GABRR3: variants seen among roughly 807,000 people sequenced by gnomAD.
GABRR3 encodes gamma-aminobutyric acid receptor subunit rho-3.
GABRR3 carries 29 observed loss-of-function variants against 43.2 expected under a neutral mutation model. That is an observed-to-expected ratio of 0.67 (90% confidence interval 0.50 to 0.92). The LOEUF (loss-of-function observed/expected upper bound fraction) is 0.92, where lower values mean the gene tolerates loss of function less well. Ranked by LOEUF, GABRR3 falls within the 40% of genes least tolerant of loss-of-function variation. The pLI is 0.00. For missense variants in GABRR3, 576 were observed against 572.3 expected, an observed-to-expected ratio of 1.01 and a Z score of -0.07; for synonymous variants, 206 against 195.9, an observed-to-expected ratio of 1.05 and a Z score of -0.43.
intron 9 of GABRR3, among the ~76,000 whole-genome samples, chr3:97,991,934 A>G (rs1288904520): frequency 6.6e-6 from 1 of 152,194 alleles, no homozygotes; most frequent in Admixed American, 6.5e-5. Flanking sequence ...ATGTATATGT[A>G]TACATATATA....
At chr3:98,027,881 C>T (rs1480741564) in intron 2 of GABRR3, among the ~76,000 whole-genome samples, 2 of 152,014 alleles carry the variant, frequency 1.3e-5, no homozygotes, top group Non-Finnish European at 2.9e-5. Context: ...TAAATATACA[C>T]ATTATGCATT....
intron 4 of GABRR3, among the ~76,000 whole-genome samples, chr3:98,013,586 G>A (rs982253194): frequency 1.3e-5 from 2 of 151,936 alleles, no homozygotes; most frequent in Admixed American, 6.6e-5. Flanking sequence ...TAGAACTTTG[G>A]CATTTATTAT....
At chr3:98,007,801 G>A (rs571841558) in exon 7 of GABRR3, 497 of 1,613,484 alleles carry the variant, frequency 3.1e-4, no homozygotes, top group Non-Finnish European at 4.0e-4. Context: ...TAGATGCACT[G>A]AAGTCTTCAA....
intron 2 of GABRR3, among the ~76,000 whole-genome samples, chr3:98,034,168 A>T (rs1707123834): frequency 6.6e-6 from 1 of 152,142 alleles, no homozygotes; most frequent in African/African-American, 2.4e-5. Context: ...TTAAAGGTAT[A>T]TGGGTAGTAG....
chr3:98,005,891 T>A lies in GABRR3; in HGVS notation c.754+1873A>T, dbSNP rs571189365. Among the ~76,000 whole-genome samples, 15 of 152,320 alleles carry A rather than the reference T, an allele frequency of 9.8e-5. 1 individual carries two copies. In the South Asian group the frequency reaches 3.1e-3, roughly 32 times the overall value. On this transcript the variant is annotated intron_variant, in intron 7 of 9. Transcript: ENST00000621172. ...ATTACATTATATTAGCATTAAATGT[T>A]GCAAATATCTATTTACAATTTATCA...
At chr3:98,027,065 C>A (rs1707026374) in intron 2 of GABRR3, among the ~76,000 whole-genome samples, 2 of 152,102 alleles carry the variant, frequency 1.3e-5, no homozygotes, top group African/African-American at 4.8e-5. Context: ...AATAATTGAA[C>A]ACATACAACT....
intron 7 of GABRR3, among the ~76,000 whole-genome samples, chr3:98,005,148 A>G (rs1322209413): frequency 6.6e-6 from 1 of 151,904 alleles, no homozygotes; most frequent in African/African-American, 2.4e-5. Context: ...CAAATTAAAA[A>G]ATACAAGTGT....
chr3:98,008,955 C>T lies in GABRR3; in HGVS notation c.613+1G>A, dbSNP rs1706755810. The T allele has an allele frequency of 6.3e-7, 1 of 1,590,536 alleles. No individual in the cohort carries two copies. The highest frequency in any genetic ancestry group is 8.6e-7 in the Non-Finnish European group (1 of 1,164,784). On this transcript the variant is annotated splice_donor_variant, in intron 6 of 9. Transcript: ENST00000621172. LOFTEE classifies it high-confidence loss of function. ...TCACTCCACCAGGAAGTGAGACTTACAGCTTTCCAGTTCAAGAGAACAATT... is the reference window on the plus strand; with the variant it reads ...TCACTCCACCAGGAAGTGAGACTTATAGCTTTCCAGTTCAAGAGAACAATT...
chr3:98,001,767 C>T (rs1234464664), exon 8 of GABRR3: 2 of 1,612,722 alleles, frequency 1.2e-6, no homozygotes, highest in East Asian at 4.5e-5. Context: ...ATTGTACCAA[C>T]CTGTGGAAAA....
intron 3 of GABRR3, among the ~76,000 whole-genome samples, chr3:98,018,286 C>T (rs1159036809): frequency 2.0e-5 from 3 of 152,120 alleles, no homozygotes; most frequent in African/African-American, 7.2e-5. Flanking sequence ...AAGTACAGTG[C>T]CACACAGGGA....
Position 97,992,925 on chromosome 3 carries a change from G to T in GABRR3, c.1031C>A (p.Ser344Ter). Residue 344 changes from serine (S) to a stop codon, truncating the protein, a stop_gained, in exon 9 of 10, where the codon TCA becomes TAA. Coordinates refer to ENST00000621172, the Ensembl canonical transcript of GABRR3. LOFTEE classifies it high-confidence loss of function. ...GTTCACAGCTGCATACTCAATGACT[G>T]ACAGGAACACAAAGAGGGAGCTGAC... 1 of 1,613,638 alleles carries T rather than the reference G, an allele frequency of 6.2e-7. No homozygotes were observed. Among genetic ancestry groups the T allele is most frequent in the South Asian group, 1.1e-5 (1 of 90,990 alleles).
intron 7 of GABRR3, among the ~76,000 whole-genome samples, chr3:98,004,642 T>C (rs1340451898): frequency 3.3e-5 from 5 of 151,336 alleles, no homozygotes; most frequent in Non-Finnish European, 7.4e-5. Flanking sequence ...GTCGTGGTGA[T>C]TTTTGAACAG....
At chr3:98,026,542 A>G (rs1244263805) in intron 2 of GABRR3, among the ~76,000 whole-genome samples, 3 of 152,038 alleles carry the variant, frequency 2.0e-5, no homozygotes, top group African/African-American at 7.2e-5. Context: ...TTTGTGAGCA[A>G]CTTGCAGCAG....
At chr3:97,993,817 CT>C (rs1276112675) in intron 8 of GABRR3, among the ~76,000 whole-genome samples, 1 of 151,688 alleles carries the variant, frequency 6.6e-6, no homozygotes. Flanking sequence ...CTTCCCTTTC[CT>C]TTTTTCCCCT....
In GABRR3 at chr3:97,986,899, C is replaced by T. The variant is rs970660268; in HGVS notation, c.1188G>A (p.Gln396=). 4.3e-6 allele frequency: 7 copies of T among 1,611,574 alleles called. No homozygotes were observed. The Admixed American group carries it at 5.0e-5, about 12-fold the overall frequency. The stretch of plus-strand genomic sequence containing the variant: ...CTTCTGAGTTTAGAGAGAGGGAAGT[C>T]TGGTCCATGTCAATCTCGCTGTCAT... Residue 396 remains glutamine, a synonymous_variant, in exon 10 of 10, where the codon CAG becomes CAA. Transcript: ENST00000621172.
In GABRR3 at chr3:98,024,813, T is replaced by C. The variant is rs114318106; in HGVS notation, c.238+754A>G. Among the ~76,000 whole-genome samples, 996 of 152,340 alleles carry C rather than the reference T, an allele frequency of 6.5e-3. 10 individuals carry two copies. The highest frequency in any genetic ancestry group is 0.023 in the African/African-American group (951 of 41,564). On this transcript the variant is annotated intron_variant, in intron 3 of 9. Coordinates refer to ENST00000621172, the Ensembl canonical transcript of GABRR3. Reference sequence around the variant, plus strand: ...AACCTGATGATTTCACCATATCCTGTGTATTGTTGGAAAACTTGGTACCCT... The same window carrying C: ...AACCTGATGATTTCACCATATCCTGCGTATTGTTGGAAAACTTGGTACCCT...
intron 2 of GABRR3, 23 bp downstream of exon 2, chr3:98,034,840 G>A (rs1472999909): frequency 6.2e-7 from 1 of 1,611,990 alleles, no homozygotes; most frequent in South Asian, 1.1e-5. Context: ...GTAATTCCAT[G>A]GACTGCACTA....
chr3:98,023,286 G>A (rs766497847), intron 3 of GABRR3, among the ~76,000 whole-genome samples: 2 of 152,140 alleles, frequency 1.3e-5, no homozygotes, highest in Non-Finnish European at 2.9e-5. Context: ...CTTTCCTCTA[G>A]GATAGGAGCG....
In GABRR3 at chr3:98,008,844, A is replaced by G; in HGVS notation, c.613+112T>C. 4.6e-6 allele frequency: 2 copies of G among 437,450 alleles called. 1 individual carries two copies. Among genetic ancestry groups the G allele is most frequent in the South Asian group, 1.0e-4 (2 of 19,190 alleles). 27.1% of individuals were successfully genotyped at this position (437,450 alleles called of 1,614,324 possible). ...GAAGCCACAATTGTTTCAGTTTTGG[A>G]TAAATATATCAGTATTTTAAAATGT... On this transcript the variant is annotated intron_variant, in intron 6 of 9. Coordinates refer to ENST00000621172, the Ensembl canonical transcript of GABRR3.
Sources: allele counts gnomAD v4.1 joint callset (sites outside exome capture counted in the v4.1 genomes callset), GRCh38; gene constraint gnomAD v4.1.1; transcripts MANE v1.5; gene names NCBI Gene and HGNC (gene_info 2026-07-23, HGNC 2026-07-21).